GLYATL2: variants seen among roughly 807,000 people sequenced by gnomAD.
GLYATL2 encodes the protein glycine N-acyltransferase-like protein 2.
In GLYATL2, 25 loss-of-function variants were observed where a neutral mutation model predicts 21.4. That is an observed-to-expected ratio of 1.17 (90% confidence interval 0.85 to 1.63). GLYATL2 has a LOEUF of 1.63. GLYATL2 is among the 40% of genes most tolerant of loss of function. The probability of loss-of-function intolerance (pLI) is 0.00; values close to 1 mark genes in which losing one functional copy is unlikely to be tolerated. For synonymous variants in GLYATL2, 114 were observed against 118.2 expected (o/e 0.96, Z 0.23); for missense variants, 361 against 343.3 (o/e 1.05, Z -0.41).
At chr11:58,874,536 T>G (rs1854189956) in intron 1 of GLYATL2, among the ~76,000 whole-genome samples, 1 of 152,244 alleles carries the variant, frequency 6.6e-6, no homozygotes, top group African/African-American at 2.4e-5. Flanking sequence ...CTGCCTTCAT[T>G]TCGTTGTGTA....
At chr11:58,875,027 C>T (rs1237512796) in intron 1 of GLYATL2, among the ~76,000 whole-genome samples, 2 of 152,216 alleles carry the variant, frequency 1.3e-5, no homozygotes, top group East Asian at 3.9e-4. Flanking sequence ...TGAATTGATC[C>T]CTTTACCATT....
At chr11:58,883,249 T>A (rs1854374009) in intron 1 of GLYATL2, among the ~76,000 whole-genome samples, 1 of 151,640 alleles carries the variant, frequency 6.6e-6, no homozygotes, top group African/African-American at 2.4e-5. Flanking sequence ...GGTTTGTAGT[T>A]CTCCTTCAAA....
chr11:58,842,476 C>CTG (rs34133004), intron 1 of GLYATL2, among the ~76,000 whole-genome samples: 4,653 of 134,768 alleles, frequency 0.035, 111 homozygotes, highest in Admixed American at 0.076. Context: ...GAGTGAGACT[C>CTG]TGTGTGTGTG....
chr11:58,895,487 A>G (rs901356383), intron 1 of GLYATL2, among the ~76,000 whole-genome samples: 1 of 152,124 alleles, frequency 6.6e-6, no homozygotes, highest in African/African-American at 2.4e-5. Context: ...CTAGCAAGGT[A>G]AGTTTCCTTC....
chr11:58,894,973 GA>G (rs1854610154), intron 1 of GLYATL2, among the ~76,000 whole-genome samples: 1 of 134,698 alleles, frequency 7.4e-6, no homozygotes, highest in Non-Finnish European at 1.7e-5. Flanking sequence ...AGATAATACA[GA>G]TGACAAAAGA....
upstream of GLYATL2, among the ~76,000 whole-genome samples, chr11:58,845,605 A>T (rs1590718858): frequency 1.3e-5 from 2 of 151,842 alleles, no homozygotes; most frequent in Admixed American, 6.6e-5. Context: ...ATCTCTAATT[A>T]AAAAAAAATT....
chr11:58,850,186 G>A (rs1853714474), intron 1 of GLYATL2, among the ~76,000 whole-genome samples: 1 of 152,134 alleles, frequency 6.6e-6, no homozygotes, highest in South Asian at 2.1e-4. Context: ...AAGGCTTTCA[G>A]CTTTTCCCCA....
intron 1 of GLYATL2, among the ~76,000 whole-genome samples, chr11:58,859,449 C>T (rs647364): frequency 0.89 from 135,014 of 152,164 alleles, 61,055 homozygotes; most frequent in Non-Finnish European, 0.98. Flanking sequence ...CTATTCAGGG[C>T]CTTTGCCCAT....
At chr11:58,868,552 T>A (rs1854058708) in intron 1 of GLYATL2, among the ~76,000 whole-genome samples, 2 of 149,340 alleles carry the variant, frequency 1.3e-5, no homozygotes, top group Non-Finnish European at 3.0e-5. Flanking sequence ...TTCTTGGCAA[T>A]AATTGGTGAT....
chr11:58,906,030 A>G (rs539574809), upstream of GLYATL2, among the ~76,000 whole-genome samples: 2 of 152,324 alleles, frequency 1.3e-5, no homozygotes, highest in East Asian at 3.9e-4. Flanking sequence ...TAGACAGGCA[A>G]GAGAGAAGTC....
chr11:58,851,567 T>TAA (rs11377596), intron 1 of GLYATL2, among the ~76,000 whole-genome samples: 15 of 151,898 alleles, frequency 9.9e-5, no homozygotes, highest in Admixed American at 1.3e-4. Context: ...TAAAAAGAAT[T>TAA]AAAAAAACAA....
At chr11:58,838,409 T>A (rs1393914399) in intron 2 of GLYATL2, 41 bp from the exon 3 acceptor site, 1 of 1,230,266 alleles carries the variant, frequency 8.1e-7, no homozygotes, top group Non-Finnish European at 1.2e-6. Flanking sequence ...ATGAAGTTCT[T>A]CTCCAATATA....
At chr11:58,868,956 T>C (rs2134600784) in intron 1 of GLYATL2, among the ~76,000 whole-genome samples, 1 of 149,102 alleles carries the variant, frequency 6.7e-6, no homozygotes, top group South Asian at 2.2e-4. Flanking sequence ...ATTGTTTCAG[T>C]ATGGACACTC....
chr11:58,876,524 G>A (rs539297106), intron 1 of GLYATL2, among the ~76,000 whole-genome samples: 1 of 152,196 alleles, frequency 6.6e-6, no homozygotes, highest in Non-Finnish European at 1.5e-5. Flanking sequence ...ACCCTCAACT[G>A]CAGGTCTGTT....
intron 1 of GLYATL2, chr11:58,892,587 T>C (rs1036078936): frequency 7.8e-6 from 2 of 257,628 alleles, no homozygotes; most frequent in Admixed American, 4.0e-5. Flanking sequence ...TAAGCATTGA[T>C]GATTAATCAT....
chr11:58,863,129 T>TTTC (rs146870058), intron 1 of GLYATL2, among the ~76,000 whole-genome samples: 134,477 of 151,904 alleles, frequency 0.89, 60,730 homozygotes, highest in Non-Finnish European at 0.98. Flanking sequence ...GGGTGGATAT[T>TTTC]ATGCATATGT....
chr11:58,892,641 C>T, intron 1 of GLYATL2: 1 of 317,866 alleles, frequency 3.1e-6, no homozygotes. Context: ...GACAATATTG[C>T]TTTCTTGCCT....
intron 1 of GLYATL2, among the ~76,000 whole-genome samples, chr11:58,900,249 C>A (rs1025701538): frequency 6.6e-6 from 1 of 152,172 alleles, no homozygotes; most frequent in African/African-American, 2.4e-5. Flanking sequence ...GAAATCCTGA[C>A]AAAGCAGCCT....
chr11:58,863,664 G>A (rs1853972238), intron 1 of GLYATL2, among the ~76,000 whole-genome samples: 1 of 152,194 alleles, frequency 6.6e-6, no homozygotes, highest in East Asian at 1.9e-4. Flanking sequence ...ACAGAGGCTG[G>A]CCTAGAAGCT....
Sources: allele counts gnomAD v4.1 joint callset (sites outside exome capture counted in the v4.1 genomes callset), GRCh38; gene constraint gnomAD v4.1.1; transcripts MANE v1.5; gene names NCBI Gene and HGNC (gene_info 2026-07-23, HGNC 2026-07-21).